The following DENND1A variants were observed in gnomAD, a reference collection of about 807,000 sequenced individuals.
DENND1A encodes DENN domain containing 1A, also known as DENN domain-containing protein 1A.
Under a neutral mutation model 113.7 loss-of-function variants are expected in DENND1A, and 51 were observed. The ratio of observed to expected loss-of-function variants is 0.45; its 90% CI spans 0.36 to 0.57. The LOEUF (loss-of-function observed/expected upper bound fraction) is 0.57. Among genes scored for constraint, DENND1A ranks in the 20% least tolerant of loss-of-function variants. The probability of loss-of-function intolerance (pLI) is 0.00; values close to 1 mark genes in which losing one functional copy is unlikely to be tolerated. For synonymous variants in DENND1A, 565 were observed against 570.8 expected (o/e 0.99, Z 0.14); for missense variants, 1,258 against 1,395.9 (o/e 0.90, Z 1.57).
At chr9:123,624,193 C>A (rs528775878) in intron 10 of DENND1A, among the ~76,000 whole-genome samples, 2 of 152,312 alleles carry the variant, frequency 1.3e-5, no homozygotes, top group East Asian at 1.9e-4. Context: ...ACATTTAAAT[C>A]ATCTGCAGAG....
At chr9:123,840,077 T>G (rs1251447895) in intron 2 of DENND1A, among the ~76,000 whole-genome samples, 2 of 144,178 alleles carry the variant, frequency 1.4e-5, no homozygotes, top group Admixed American at 1.3e-4. Context: ...TTTCAAGTGT[T>G]TTTGTCTATT....
rs545019678 is a variant in DENND1A, at chr9:123,916,371, C to CTT, written c.17+13516_17+13517dup. 9.1e-3 allele frequency among the ~76,000 whole-genome samples: 1,154 copies of CTT among 126,614 alleles called. 42 individuals are homozygous for CTT. The highest frequency in any genetic ancestry group is 0.031 in the African/African-American group (1,037 of 33,322). 83.1% of individuals were successfully genotyped at this position (126,614 alleles called of 152,430 possible). The stretch of plus-strand genomic sequence containing the variant: ...AGATGTGAATATATCTACGTATTTG[C>CTT]TTTTTTTTTTTTTTTTTTGAGACAG... On this transcript the variant is annotated intron_variant, in intron 1 of 23. Transcript: ENST00000394215.
At chr9:123,813,425 C>T (rs1467313432) in intron 2 of DENND1A, among the ~76,000 whole-genome samples, 1 of 150,170 alleles carries the variant, frequency 6.7e-6, no homozygotes, top group Non-Finnish European at 1.5e-5. Context: ...TTCCAAAGGA[C>T]CAGTAAATTC....
intron 3 of DENND1A, among the ~76,000 whole-genome samples, chr9:123,786,947 A>C (rs1389663914): frequency 2.0e-5 from 3 of 152,184 alleles, no homozygotes; most frequent in African/African-American, 7.2e-5. Context: ...AAGAAAGCTC[A>C]AAAGTTTCCA....
At chr9:123,772,080 ACTT>A (rs1380482210) in intron 3 of DENND1A, among the ~76,000 whole-genome samples, 1 of 152,192 alleles carries the variant, frequency 6.6e-6, no homozygotes, top group Non-Finnish European at 1.5e-5. Flanking sequence ...TGAGGTATCT[ACTT>A]CTTAATTTGA....
chr9:123,872,671 A>G (rs1352363701), intron 2 of DENND1A, among the ~76,000 whole-genome samples: 3 of 152,216 alleles, frequency 2.0e-5, no homozygotes, highest in Non-Finnish European at 4.4e-5. Flanking sequence ...GCTATTAAAA[A>G]TTTAAAGACA....
intron 13 of DENND1A, among the ~76,000 whole-genome samples, chr9:123,469,567 C>A (rs777145072): frequency 6.6e-6 from 1 of 152,146 alleles, no homozygotes; most frequent in East Asian, 1.9e-4. Context: ...AGTGCAGGAA[C>A]GGCAGATGAG....
intron 5 of DENND1A, among the ~76,000 whole-genome samples, chr9:123,727,144 T>C (rs1444741646): frequency 1.3e-5 from 2 of 152,130 alleles, no homozygotes; most frequent in African/African-American, 2.4e-5. Context: ...CAATAAAACA[T>C]GAACAGGAGA....
rs188827808 is a variant in DENND1A, at chr9:123,779,637, C to A, written c.133-10074G>T. 3.1e-3 allele frequency among the ~76,000 whole-genome samples: 479 copies of A among 152,072 alleles called. 5 individuals carry two copies. The highest frequency in any genetic ancestry group is 7.1e-3 in the South Asian group (34 of 4,812). ...ACCTCAGCCTCCTGAGTACCTGAGA[C>A]CATAGGCGCGGACTACCACGCTTGG... On this transcript the variant is annotated intron_variant, in intron 3 of 23. Coordinates refer to ENST00000394215, the MANE Select transcript of DENND1A (RefSeq NM_001352964.2).
In DENND1A at chr9:123,440,137, C is replaced by T. The variant is rs141112482; in HGVS notation, c.1488+223G>A. ...ATTTAATGACTTCATTCAACAGTCC[C>T]GCTCATTTATGACCTCAGCCGTGCT... On this transcript the variant is annotated intron_variant, in intron 19 of 23. Coordinates refer to ENST00000394215, the MANE Select transcript of DENND1A (RefSeq NM_001352964.2). 7 of 473,870 alleles carry T rather than the reference C, an allele frequency of 1.5e-5. No individual in the cohort carries two copies. The East Asian group carries it at 1.8e-4, about 12-fold the overall frequency. The allele number at this position is 473,870 out of a possible 1,614,324, so 29.4% of individuals were successfully genotyped here.
chr9:123,836,508 C>T (rs1039144996), intron 2 of DENND1A, among the ~76,000 whole-genome samples: 6 of 151,948 alleles, frequency 3.9e-5, no homozygotes, highest in Non-Finnish European at 8.8e-5. Flanking sequence ...AGCTAATATA[C>T]TTTTTTACAA....
intron 12 of DENND1A, 129 bp from the exon 13 acceptor site, chr9:123,557,824 G>T: frequency 8.9e-7 from 1 of 1,128,162 alleles, no homozygotes; most frequent in Non-Finnish European, 1.2e-6. Flanking sequence ...CTCAGTTACT[G>T]GGAGGACAAA....
At chr9:123,562,513 G>A (rs534345604) in intron 12 of DENND1A, among the ~76,000 whole-genome samples, 2 of 152,232 alleles carry the variant, frequency 1.3e-5, no homozygotes, top group South Asian at 4.2e-4. Flanking sequence ...AAAACATGCA[G>A]GTTGCAGAGT....
intron 10 of DENND1A, among the ~76,000 whole-genome samples, chr9:123,620,236 A>G (rs2060886807): frequency 6.8e-6 from 1 of 146,320 alleles, no homozygotes; most frequent in Non-Finnish European, 1.5e-5. Context: ...AAAAAAAAAA[A>G]AAGAAAAGAA....
At chr9:123,832,726 C>T (rs1299257741) in intron 2 of DENND1A, among the ~76,000 whole-genome samples, 2 of 152,116 alleles carry the variant, frequency 1.3e-5, no homozygotes, top group Non-Finnish European at 2.9e-5. Context: ...CTCACAAATA[C>T]AATTGTTGAG....
chr9:123,564,045 G>C (rs1018791001), intron 12 of DENND1A, among the ~76,000 whole-genome samples: 1 of 152,116 alleles, frequency 6.6e-6, no homozygotes, highest in African/African-American at 2.4e-5. Flanking sequence ...AGGAGGGAGG[G>C]CCTGTCTCCC....
rs10118962 is a variant in DENND1A, at chr9:123,692,386, T to A, written c.303-15597A>T. Reference sequence around the variant, plus strand: ...TAAGATTGCGTCAATCACAAAAGAGTGGGCTGGGCCAATAGGGATTTCTAA... The same window carrying A: ...TAAGATTGCGTCAATCACAAAAGAGAGGGCTGGGCCAATAGGGATTTCTAA... On this transcript the variant is annotated intron_variant, in intron 5 of 23. Transcript: ENST00000394215. 8.3e-3 allele frequency among the ~76,000 whole-genome samples: 1,262 copies of A among 152,232 alleles called. 16 individuals carry two copies. The highest frequency in any genetic ancestry group is 0.029 in the African/African-American group (1,209 of 41,538).
rs114738718 is a variant in DENND1A at position 123,618,222 on chromosome 9, C to T, written c.720-8741G>A. The stretch of plus-strand genomic sequence containing the variant: ...GTCACTTGCTGCACTGCTGAAACTT[C>T]CTGTGACCCTGATGTTACTTGGTCT... On this transcript the variant is annotated intron_variant, in intron 10 of 23. Coordinates refer to ENST00000394215, the MANE Select transcript of DENND1A (RefSeq NM_001352964.2). 3.0e-3 allele frequency among the ~76,000 whole-genome samples: 460 copies of T among 152,310 alleles called. 3 individuals are homozygous for T. Among genetic ancestry groups the T allele is most frequent in the African/African-American group, 0.011 (443 of 41,572 alleles).
intron 13 of DENND1A, among the ~76,000 whole-genome samples, chr9:123,527,893 CTGAT>C (rs760900573): frequency 1.3e-5 from 2 of 152,208 alleles, no homozygotes; most frequent in African/African-American, 2.4e-5. Flanking sequence ...TGCTCTGCGA[CTGAT>C]TGTTTAATGT....
Sources: gnomAD v4.1 joint callset for allele counts (sites outside exome capture counted in the v4.1 genomes callset) on GRCh38, gnomAD v4.1.1 for gene constraint, MANE v1.5 for transcripts, NCBI Gene and HGNC (gene_info 2026-07-23, HGNC 2026-07-21) for gene names.